The following ROBO2 variants were observed in gnomAD, a reference collection of about 807,000 sequenced individuals.
The protein encoded by ROBO2 is roundabout homolog 2.
ROBO2 carries 53 observed loss-of-function variants against 160.8 expected under a neutral mutation model. That is an observed-to-expected ratio of 0.33 (90% CI 0.26 to 0.41). The LOEUF is 0.41. ROBO2 is among the 10% of genes least tolerant of loss of function. The probability of loss-of-function intolerance (pLI) is 1.00; values close to 1 mark genes in which losing one functional copy is unlikely to be tolerated. For missense variants in ROBO2, 1,577 were observed against 1,722.4 expected, an observed-to-expected ratio of 0.92 and a Z score of 1.49; for synonymous variants, 664 against 611.7, an observed-to-expected ratio of 1.09 and a Z score of -1.26.
intron 2 of ROBO2, among the ~76,000 whole-genome samples, chr3:77,185,869 G>A (rs1357365321): frequency 1.3e-5 from 2 of 151,860 alleles, no homozygotes; most frequent in African/African-American, 4.8e-5. Flanking sequence ...TGAATTAATA[G>A]CATTTGCAGC....
intron 2 of ROBO2, among the ~76,000 whole-genome samples, chr3:76,402,371 G>A (rs528611256): frequency 2.6e-5 from 4 of 151,624 alleles, no homozygotes; most frequent in Non-Finnish European, 5.9e-5. Context: ...GTGCATTCAG[G>A]TGGGGCAGCT....
chr3:77,245,686 G>A (rs1479437965), intron 2 of ROBO2, among the ~76,000 whole-genome samples: 2 of 152,178 alleles, frequency 1.3e-5, no homozygotes, highest in Non-Finnish European at 2.9e-5. Context: ...TCTCATTCGA[G>A]TGAGGGAAAA....
intron 24 of ROBO2, among the ~76,000 whole-genome samples, chr3:77,639,891 AC>A (rs1453857409): frequency 3.9e-5 from 6 of 152,152 alleles, no homozygotes; most frequent in Admixed American, 2.0e-4. Context: ...TGTGGAAGCT[AC>A]CTAGGGAATA....
rs565631191 is a variant in ROBO2 at position 77,260,660 on chromosome 3, T to C, written c.388+162320T>C. On this transcript the variant is annotated intron_variant, in intron 2 of 25. Transcript: ENST00000461745. ...AGGGAATCAGCTCTGAGAGTTTAAA[T>C]GACTTATCCAAGGTCCCACAAGCGG... 9.7e-4 allele frequency among the ~76,000 whole-genome samples: 147 copies of C among 152,322 alleles called. 4 individuals carry two copies. In the South Asian group the frequency reaches 0.029, roughly 30 times the overall value.
intron 2 of ROBO2, among the ~76,000 whole-genome samples, chr3:75,940,633 T>G (rs1948010361): frequency 6.6e-6 from 1 of 152,080 alleles, no homozygotes; most frequent in Admixed American, 6.6e-5. Flanking sequence ...TATATATGAA[T>G]TTTAAAAGGA....
chr3:76,239,590 A>G (rs1199147636), intron 2 of ROBO2, among the ~76,000 whole-genome samples: 1 of 152,172 alleles, frequency 6.6e-6, no homozygotes, highest in African/African-American at 2.4e-5. Flanking sequence ...TTTATAGCAC[A>G]TGATCTGTGA....
At chr3:77,161,134 G>A (rs1242572444) in intron 2 of ROBO2, among the ~76,000 whole-genome samples, 1 of 152,154 alleles carries the variant, frequency 6.6e-6, no homozygotes, top group Non-Finnish European at 1.5e-5. Flanking sequence ...ACTCAATGGA[G>A]CATGACTGCC....
In ROBO2 at chr3:77,004,285, G is replaced by T. The variant is rs150995964; in HGVS notation, c.110-93729G>T. Reference sequence around the variant, plus strand: ...GTTGCTTTCTCAAATACAGGAATAGGCTTTGTGGCTTGTAATCCTGCCAAC... The same window carrying T: ...GTTGCTTTCTCAAATACAGGAATAGTCTTTGTGGCTTGTAATCCTGCCAAC... On this transcript the variant is annotated intron_variant, in intron 2 of 26. Coordinates refer to the ROBO2 transcript ENST00000487694. Among the ~76,000 whole-genome samples, 463 of 152,224 alleles carry T rather than the reference G, an allele frequency of 3.0e-3. 2 individuals carry two copies. Among genetic ancestry groups the T allele is most frequent in the Non-Finnish European group, 4.3e-3 (292 of 68,000 alleles).
chr3:76,050,692 C>T (rs1193048449), intron 2 of ROBO2, among the ~76,000 whole-genome samples: 1 of 152,136 alleles, frequency 6.6e-6, no homozygotes, highest in African/African-American at 2.4e-5. Flanking sequence ...CTGTGCTCTC[C>T]CTCTTCTCTC....
intron 2 of ROBO2, among the ~76,000 whole-genome samples, chr3:77,365,559 A>T (rs2070738879): frequency 6.6e-6 from 1 of 152,096 alleles, no homozygotes; most frequent in South Asian, 2.1e-4. Flanking sequence ...CTACAACTAG[A>T]CTCAAAAGAA....
chr3:77,385,277 C>T lies in ROBO2; in HGVS notation c.389-92137C>T, dbSNP rs536519911. ...AACTCCTGACTTCTTGATCCGCCCA[C>T]CTCGGCTTCCCAAAGTGCTGGGATT... On this transcript the variant is annotated intron_variant, in intron 2 of 25. Coordinates refer to ENST00000461745, the Ensembl canonical transcript of ROBO2. 3.3e-5 allele frequency among the ~76,000 whole-genome samples: 5 copies of T among 152,316 alleles called. No individual in the cohort carries two copies. The South Asian group carries it at 6.2e-4, about 19-fold the overall frequency.
chr3:77,242,604 G>A (rs1580314496), intron 2 of ROBO2, among the ~76,000 whole-genome samples: 1 of 152,236 alleles, frequency 6.6e-6, no homozygotes, highest in Non-Finnish European at 1.5e-5. Flanking sequence ...GTTTACAAGA[G>A]GGTGGTATAA....
At chr3:76,011,359 C>T (rs1433599195) in intron 2 of ROBO2, among the ~76,000 whole-genome samples, 1 of 152,206 alleles carries the variant, frequency 6.6e-6, no homozygotes, top group Non-Finnish European at 1.5e-5. Flanking sequence ...GAGCAAGACA[C>T]ACAGACATTG....
chr3:76,532,188 C>T (rs1577943959), intron 2 of ROBO2, among the ~76,000 whole-genome samples: 1 of 152,204 alleles, frequency 6.6e-6, no homozygotes, highest in African/African-American at 2.4e-5. Context: ...CAATAAGCTT[C>T]TCCATACAAT....
At chr3:75,997,445 C>T (rs1455648935) in intron 2 of ROBO2, among the ~76,000 whole-genome samples, 3 of 150,618 alleles carry the variant, frequency 2.0e-5, no homozygotes, top group Non-Finnish European at 4.4e-5. Flanking sequence ...TGTCTGAGAA[C>T]TGTGAAGTCT....
At chr3:76,758,224 C>G (rs908973790) in intron 2 of ROBO2, among the ~76,000 whole-genome samples, 1 of 151,720 alleles carries the variant, frequency 6.6e-6, no homozygotes, top group Non-Finnish European at 1.5e-5. Flanking sequence ...ACCATCCATT[C>G]CTGCAGCACT....
intron 5 of ROBO2, among the ~76,000 whole-genome samples, chr3:77,518,187 A>T (rs945084878): frequency 7.9e-5 from 12 of 151,486 alleles, no homozygotes; most frequent in African/African-American, 2.4e-4. Context: ...CAAAGATAGA[A>T]TAGACCCCTT....
intron 2 of ROBO2, among the ~76,000 whole-genome samples, chr3:77,027,440 C>T (rs548054286): frequency 1.2e-4 from 19 of 152,056 alleles, no homozygotes; most frequent in Non-Finnish European, 2.4e-4. Context: ...TGAAAGTATA[C>T]GCAGAAATGA....
chr3:77,128,413 C>T (rs1459459626), intron 2 of ROBO2, among the ~76,000 whole-genome samples: 1 of 152,148 alleles, frequency 6.6e-6, no homozygotes, highest in Non-Finnish European at 1.5e-5. Flanking sequence ...TCCCTGGTTT[C>T]AGATATCCAA....
Sources: gnomAD v4.1 joint callset for allele counts (sites outside exome capture counted in the v4.1 genomes callset) on GRCh38, gnomAD v4.1.1 for gene constraint, MANE v1.5 for transcripts, NCBI Gene and HGNC (gene_info 2026-07-23, HGNC 2026-07-21) for gene names.